The following ABCC1 variants were observed in gnomAD, a reference collection of about 807,000 sequenced individuals.
ABCC1 encodes the protein ATP binding cassette subfamily C member 1 (ABCC1 blood group).
A neutral mutation model predicts 172.9 loss-of-function variants in ABCC1; 83 were observed. That is an observed-to-expected ratio of 0.48 (90% CI 0.40 to 0.58). The LOEUF (loss-of-function observed/expected upper bound fraction) is 0.58, where lower values mean the gene tolerates loss of function less well. Ranked by LOEUF, ABCC1 falls within the 20% of genes least tolerant of loss-of-function variation. The probability of loss-of-function intolerance (pLI) is 0.00; values close to 1 mark genes in which losing one functional copy is unlikely to be tolerated. For synonymous variants in ABCC1, 937 were observed against 825.2 expected, an observed-to-expected ratio of 1.14 and a Z score of -2.32; for missense variants, 1,817 against 2,002.7, an observed-to-expected ratio of 0.91 and a Z score of 1.77.
At chr16:16,115,535 A>G (rs543925268) in intron 23 of ABCC1, among the ~76,000 whole-genome samples, 223 of 152,052 alleles carry the variant, frequency 1.5e-3, no homozygotes, top group African/African-American at 5.1e-3. Flanking sequence ...TAGTAGAGAC[A>G]GGGTTTCACC....
chr16:16,125,925 C>G lies in ABCC1; in HGVS notation c.3819+14C>G, dbSNP rs1297810919. On this transcript the variant is annotated intron_variant, in intron 26 of 30. Coordinates refer to ENST00000399410, the MANE Select transcript of ABCC1 (RefSeq NM_004996.4). ...ACTGAGAAGGAGGTAGGCAAGGGCC[C>G]CTGGCTGGACCTCTTGGTCTTTGGT... 1 of 1,597,056 alleles carries G rather than the reference C, an allele frequency of 6.3e-7. No individual in the cohort carries two copies. Among genetic ancestry groups the G allele is most frequent in the East Asian group, 2.2e-5 (1 of 44,768 alleles).
At chr16:16,110,539 A>AC (rs2152083363) in intron 21 of ABCC1, among the ~76,000 whole-genome samples, 1 of 151,912 alleles carries the variant, frequency 6.6e-6, no homozygotes, top group Admixed American at 6.6e-5. Context: ...ACATGTGCCT[A>AC]CCACCATGCC....
chr16:16,014,761 C>T, intron 4 of ABCC1, 133 bp downstream of exon 4: 3 of 1,052,252 alleles, frequency 2.9e-6, no homozygotes, highest in South Asian at 1.6e-5. Context: ...CCTAGCTTCT[C>T]CCTTGGTGAC....
At chr16:15,992,001 A>T (rs1406247329) in intron 1 of ABCC1, among the ~76,000 whole-genome samples, 1 of 152,212 alleles carries the variant, frequency 6.6e-6, no homozygotes, top group South Asian at 2.1e-4. Context: ...GTGAGACTTC[A>T]TCTGTATTTA....
chr16:15,983,718 G>A (rs572865696), intron 1 of ABCC1, among the ~76,000 whole-genome samples: 35 of 152,036 alleles, frequency 2.3e-4, no homozygotes, highest in South Asian at 1.7e-3. Context: ...ACCATGCCTG[G>A]CTAATTTTGG....
chr16:16,050,051 T>C (rs1203113010), intron 10 of ABCC1, among the ~76,000 whole-genome samples: 2 of 152,154 alleles, frequency 1.3e-5, no homozygotes, highest in African/African-American at 4.8e-5. Flanking sequence ...CTGCCTCCTC[T>C]TTGAAGGGTA....
chr16:16,135,392 C>G (rs2045881141), intron 28 of ABCC1, among the ~76,000 whole-genome samples: 1 of 152,166 alleles, frequency 6.6e-6, no homozygotes, highest in African/African-American at 2.4e-5. Flanking sequence ...CAGAGTTTAG[C>G]TCCCTCTTAC....
At chr16:15,985,800 A>C (rs1181153445) in intron 1 of ABCC1, among the ~76,000 whole-genome samples, 3 of 151,534 alleles carry the variant, frequency 2.0e-5, no homozygotes, top group Non-Finnish European at 4.4e-5. Context: ...AGAACAACAC[A>C]CATCACTCTA....
At chr16:15,975,414 T>C (rs1017088916) in intron 1 of ABCC1, among the ~76,000 whole-genome samples, 1 of 152,168 alleles carries the variant, frequency 6.6e-6, no homozygotes, top group African/African-American at 2.4e-5. Context: ...TTATTTCCTT[T>C]AGACTCCTGT....
intron 19 of ABCC1, among the ~76,000 whole-genome samples, chr16:16,101,997 C>G (rs1430318230): frequency 6.6e-6 from 1 of 152,132 alleles, no homozygotes; most frequent in Admixed American, 6.5e-5. Flanking sequence ...TGAAGCTCAC[C>G]TGGTTGTTGG....
intron 29 of ABCC1, among the ~76,000 whole-genome samples, chr16:16,137,648 G>A (rs2045966911): frequency 7.3e-6 from 1 of 136,356 alleles, no homozygotes; most frequent in South Asian, 2.5e-4. Flanking sequence ...CCGCCCCCAG[G>A]CTCAAGCAAT....
At chr16:16,007,776 G>A (rs1249971677) in intron 1 of ABCC1, 40 bp from the exon 2 acceptor site, 2 of 1,575,612 alleles carry the variant, frequency 1.3e-6, no homozygotes, top group Admixed American at 3.6e-5. Flanking sequence ...GTCCTCTGGG[G>A]TGTGTCCTGC....
intron 12 of ABCC1, among the ~76,000 whole-genome samples, chr16:16,058,991 C>T (rs1049368616): frequency 1.3e-5 from 2 of 151,874 alleles, no homozygotes; most frequent in Non-Finnish European, 2.9e-5. Context: ...TTTCTGGGCC[C>T]CACCCAAATT....
At chr16:16,060,840 A>AG (rs2049878491) in intron 12 of ABCC1, among the ~76,000 whole-genome samples, 1 of 151,190 alleles carries the variant, frequency 6.6e-6, no homozygotes, top group African/African-American at 2.4e-5. Context: ...TTTTTTGAGA[A>AG]GGAGTCTTGC....
intron 1 of ABCC1, among the ~76,000 whole-genome samples, chr16:15,958,195 T>C (rs570166163): frequency 7.9e-5 from 12 of 152,328 alleles, no homozygotes; most frequent in African/African-American, 2.9e-4. Flanking sequence ...AACCTCTGCC[T>C]CCCGGGTTCC....
At chr16:16,121,887 C>G in intron 23 of ABCC1, 88 bp from the exon 24 acceptor site, 1 of 1,440,408 alleles carries the variant, frequency 6.9e-7, no homozygotes, top group Non-Finnish European at 9.6e-7. Context: ...GTATCGGTTA[C>G]GTCTAGATGT....
At chr16:16,014,170 G>C (rs2047901118) in intron 3 of ABCC1, among the ~76,000 whole-genome samples, 1 of 152,200 alleles carries the variant, frequency 6.6e-6, no homozygotes, top group Admixed American at 6.5e-5. Context: ...GTGTGGCTGG[G>C]AGCAGTGGCT....
chr16:16,117,062 T>C (rs1192742997), intron 23 of ABCC1, among the ~76,000 whole-genome samples: 1 of 152,132 alleles, frequency 6.6e-6, no homozygotes, highest in East Asian at 1.9e-4. Context: ...GGTGCACAAT[T>C]TAAAACTTAC....
chr16:16,001,962 C>T (rs2047329507), intron 1 of ABCC1, among the ~76,000 whole-genome samples: 1 of 152,156 alleles, frequency 6.6e-6, no homozygotes, highest in Non-Finnish European at 1.5e-5. Context: ...ATGGGATCCT[C>T]CCACCTGGGC....
Sources: allele counts gnomAD v4.1 joint callset (sites outside exome capture counted in the v4.1 genomes callset), GRCh38; gene constraint gnomAD v4.1.1; transcripts MANE v1.5; gene names NCBI Gene and HGNC (gene_info 2026-07-23, HGNC 2026-07-21).